The following C13orf42 variants were observed in gnomAD, a reference collection of about 807,000 sequenced individuals.
The protein encoded by C13orf42 is chromosome 13 open reading frame 42.
intron 1 of C13orf42, among the ~76,000 whole-genome samples, chr13:51,124,277 C>A (rs941243003): frequency 6.6e-6 from 1 of 152,132 alleles, no homozygotes; most frequent in Non-Finnish European, 1.5e-5. Context: ...AAACCCTGAT[C>A]CCCAAGTTTC....
At chr13:51,121,976 A>G (rs1250874472) in intron 1 of C13orf42, among the ~76,000 whole-genome samples, 4 of 152,216 alleles carry the variant, frequency 2.6e-5, no homozygotes, top group Non-Finnish European at 5.9e-5. Context: ...AAAAAGTCCA[A>G]TGTAAAACAG....
chr13:51,132,729 C>T (rs990116323), intron 1 of C13orf42, among the ~76,000 whole-genome samples: 1 of 152,138 alleles, frequency 6.6e-6, no homozygotes, highest in African/African-American at 2.4e-5. Context: ...ACTAGAGCAA[C>T]TCCATCTTGA....
rs561289637 is a variant in C13orf42 at position 51,084,076 on chromosome 13, A to G, written c.*75T>C. 5 of 398,144 alleles carry G rather than the reference A, an allele frequency of 1.3e-5. No individual in the cohort carries two copies. The highest frequency in any genetic ancestry group is 1.0e-4 in the African/African-American group (5 of 48,750). The allele number at this position is 398,144 out of a possible 1,614,324, so 24.7% of individuals were successfully genotyped here. A position where few individuals can be genotyped will look rare whatever the true frequency, so the allele number is the denominator to read the frequency against. On this transcript the variant is annotated 3_prime_UTR_variant, in exon 4 of 4. Transcript: ENST00000563710. ...CAATTGGCATTTTCAACTCTACCAA[A>G]TACCTCATGCTGCGCTGAAAGCGGA...
In C13orf42 at chr13:51,110,584, T is replaced by C. The variant is rs115685477; in HGVS notation, c.414+212A>G. On this transcript the variant is annotated intron_variant, in intron 1 of 3. Coordinates refer to ENST00000563710, the MANE Select transcript of C13orf42 (RefSeq NM_001351589.3). ...GTGTACCCCTGAACCTAAAATAAAG[T>C]TAATAATAAATAAATGAGTAATAAA... 2.0e-5 allele frequency among the ~76,000 whole-genome samples: 3 copies of C among 152,168 alleles called. No individual in the cohort carries two copies. The East Asian group carries it at 5.8e-4, about 29-fold the overall frequency.
At chr13:51,111,306 C>T, upstream of C13orf42, 1 of 397,564 alleles carries the variant, frequency 2.5e-6, no homozygotes, top group Middle Eastern at 6.3e-4. Flanking sequence ...GGCCTCGCAC[C>T]ATCTGCCTTC....
chr13:51,109,905 T>C (rs969116464), intron 1 of C13orf42, among the ~76,000 whole-genome samples: 1 of 152,238 alleles, frequency 6.6e-6, no homozygotes, highest in Non-Finnish European at 1.5e-5. Context: ...CCACCTACTG[T>C]ACTGGCTTTA....
chr13:51,138,886 T>C (rs964327269), intron 1 of C13orf42, among the ~76,000 whole-genome samples: 4 of 152,148 alleles, frequency 2.6e-5, no homozygotes, highest in South Asian at 2.1e-4. Flanking sequence ...CACATATATA[T>C]GTCAAATATA....
intron 1 of C13orf42, among the ~76,000 whole-genome samples, chr13:51,149,313 A>G (rs1051642676): frequency 1.2e-4 from 7 of 56,780 alleles, no homozygotes; most frequent in Non-Finnish European, 2.0e-4. Flanking sequence ...GCTGAAATTG[A>G]AAAAAAAAAA....
intron 1 of C13orf42, among the ~76,000 whole-genome samples, chr13:51,146,607 G>C (rs1195900041): frequency 6.6e-6 from 1 of 152,194 alleles, no homozygotes; most frequent in Non-Finnish European, 1.5e-5. Context: ...GTTTGATCTG[G>C]AAAGGCAGAA....
At chr13:51,170,115 T>C (rs9596474) in intron 1 of C13orf42, among the ~76,000 whole-genome samples, 18 of 152,092 alleles carry the variant, frequency 1.2e-4, no homozygotes, top group East Asian at 5.8e-4. Flanking sequence ...CACCTTGCGA[T>C]CCCCACTCCT....
rs144906730 is a variant in C13orf42 at position 51,152,056 on chromosome 13, G to T, written n.136+20197C>A. On this transcript the variant is annotated intron_variant and non_coding_transcript_variant, in intron 1 of 4. Coordinates refer to the C13orf42 transcript ENST00000433280. Reference sequence around the variant, plus strand: ...GATCCCAGGGGATTCATAGGTGCATGACAGTTTAAGAATCACTGCCCCAAA... The same window carrying T: ...GATCCCAGGGGATTCATAGGTGCATTACAGTTTAAGAATCACTGCCCCAAA... Among the ~76,000 whole-genome samples, 73 of 152,270 alleles carry T rather than the reference G, an allele frequency of 4.8e-4. 1 individual carries two copies. The East Asian group carries it at 0.012, about 25-fold the overall frequency.
upstream of C13orf42, among the ~76,000 whole-genome samples, chr13:51,115,630 G>A (rs1424417962): frequency 6.6e-6 from 1 of 152,202 alleles, no homozygotes; most frequent in Admixed American, 6.5e-5. Context: ...ACAGGAAGGT[G>A]ACTCTGAGTC....
chr13:51,169,614 G>A (rs543823627), intron 1 of C13orf42, among the ~76,000 whole-genome samples: 78 of 152,282 alleles, frequency 5.1e-4, no homozygotes, highest in African/African-American at 1.8e-3. Flanking sequence ...CAGGACCAAG[G>A]TCCGGCCACT....
At chr13:51,098,504 T>C (rs988503134) in intron 1 of C13orf42, among the ~76,000 whole-genome samples, 1 of 152,118 alleles carries the variant, frequency 6.6e-6, no homozygotes, top group Non-Finnish European at 1.5e-5. Context: ...TTCTATCTCA[T>C]TGGATACATC....
chr13:51,122,660 C>G (rs748472805), intron 1 of C13orf42, among the ~76,000 whole-genome samples: 28 of 152,042 alleles, frequency 1.8e-4, no homozygotes, highest in Admixed American at 1.8e-3. Context: ...CTGTTTTGTG[C>G]TTGAATTCCT....
At chr13:51,134,461 A>G (rs1189993858) in intron 1 of C13orf42, among the ~76,000 whole-genome samples, 1 of 152,238 alleles carries the variant, frequency 6.6e-6, no homozygotes, top group Admixed American at 6.5e-5. Context: ...GCCGTTACAG[A>G]GTGTAGAGTC....
chr13:51,151,289 G>C (rs1047085743), intron 1 of C13orf42, among the ~76,000 whole-genome samples: 1 of 151,906 alleles, frequency 6.6e-6, no homozygotes. Context: ...AAATGTGAGA[G>C]AGACTCAGCA....
intron 1 of C13orf42, among the ~76,000 whole-genome samples, chr13:51,155,661 T>A (rs77472828): frequency 2.0e-5 from 3 of 152,170 alleles, no homozygotes; most frequent in African/African-American, 7.2e-5. Context: ...GCACACTTCC[T>A]TTCTCAGTAT....
At position 51,130,860 on chromosome 13, in the gene C13orf42, A is replaced by AT. The variant is rs1273889012; in HGVS notation, n.137-17639_137-17638insA. ...AGTGAAATGTGTTTTTGGTAAAAAA[A>AT]AAATATATATATATATATATAAACA... is the stretch of plus-strand genomic sequence containing the variant. On this transcript the variant is annotated intron_variant and non_coding_transcript_variant, in intron 1 of 4. Coordinates refer to the C13orf42 transcript ENST00000433280. 4.0e-3 allele frequency among the ~76,000 whole-genome samples: 538 copies of AT among 135,438 alleles called. 2 individuals are homozygous for AT. Among genetic ancestry groups the AT allele is most frequent in the Middle Eastern group, 0.02 (5 of 256 alleles). 88.9% of individuals were successfully genotyped at this position (135,438 alleles called of 152,430 possible).
Sources: gnomAD v4.1 joint callset for allele counts (sites outside exome capture counted in the v4.1 genomes callset) on GRCh38, gnomAD v4.1.1 for gene constraint, MANE v1.5 for transcripts, NCBI Gene and HGNC (gene_info 2026-07-23, HGNC 2026-07-21) for gene names.